FHIT: variants seen among roughly 807,000 people sequenced by gnomAD.
FHIT encodes the protein bis(5'-adenosyl)-triphosphatase.
FHIT carries 19 observed loss-of-function variants against 17.9 expected under a neutral mutation model. That is an observed-to-expected ratio of 1.06 (90% CI 0.74 to 1.56). FHIT has a LOEUF of 1.56. FHIT is among the 40% of genes most tolerant of loss of function. The probability of loss-of-function intolerance (pLI) is 0.00; values close to 1 mark genes in which losing one functional copy is unlikely to be tolerated. For synonymous variants in FHIT, 81 were observed against 69.7 expected, an observed-to-expected ratio of 1.16 and a Z score of -0.81; for missense variants, 248 against 189.2, an observed-to-expected ratio of 1.31 and a Z score of -1.82.
intron 3 of FHIT, among the ~76,000 whole-genome samples, chr3:60,888,855 A>T (rs1345470139): frequency 6.6e-6 from 1 of 152,210 alleles, no homozygotes; most frequent in Non-Finnish European, 1.5e-5. Flanking sequence ...TTTTGTATCC[A>T]TCACCCAGTT....
At chr3:60,752,455 AG>A (rs2108034417) in intron 4 of FHIT, among the ~76,000 whole-genome samples, 1 of 152,310 alleles carries the variant, frequency 6.6e-6, no homozygotes, top group South Asian at 2.1e-4. Flanking sequence ...GGAAACTGGA[AG>A]GCGACTGGGG....
At chr3:60,858,361 T>C (rs1304036811) in intron 3 of FHIT, among the ~76,000 whole-genome samples, 2 of 152,142 alleles carry the variant, frequency 1.3e-5, no homozygotes, top group African/African-American at 4.8e-5. Context: ...TTGTGTGCTA[T>C]AACATGGTCA....
intron 3 of FHIT, among the ~76,000 whole-genome samples, chr3:60,981,240 G>A (rs1710476623): frequency 6.6e-6 from 1 of 151,420 alleles, no homozygotes; most frequent in Non-Finnish European, 1.5e-5. Flanking sequence ...GTTTGCTAAG[G>A]TCCCAAGGCA....
intron 4 of FHIT, among the ~76,000 whole-genome samples, chr3:60,703,082 G>T (rs781882521): frequency 6.6e-6 from 1 of 152,168 alleles, no homozygotes; most frequent in Non-Finnish European, 1.5e-5. Flanking sequence ...AGGGATTAGA[G>T]CGGCCCCTAC....
intron 4 of FHIT, among the ~76,000 whole-genome samples, chr3:60,562,884 A>G (rs2594273): frequency 0.95 from 144,673 of 152,192 alleles, 68,834 homozygotes; most frequent in East Asian, 1. Flanking sequence ...AGGCATAGAC[A>G]AGGGCTGCTA....
intron 7 of FHIT, among the ~76,000 whole-genome samples, chr3:60,006,429 T>C (rs959158026): frequency 1.1e-4 from 16 of 152,218 alleles, no homozygotes; most frequent in African/African-American, 3.9e-4. Context: ...AGCCACAATC[T>C]ATTTTATAGA....
At chr3:60,301,943 G>C (rs1469827533) in intron 5 of FHIT, among the ~76,000 whole-genome samples, 2 of 151,924 alleles carry the variant, frequency 1.3e-5, no homozygotes, top group Non-Finnish European at 2.9e-5. Flanking sequence ...AACTGTAAGA[G>C]TAACCTTATA....
At chr3:60,430,920 C>T (rs908220535) in intron 5 of FHIT, among the ~76,000 whole-genome samples, 9 of 151,942 alleles carry the variant, frequency 5.9e-5, no homozygotes, top group African/African-American at 9.7e-5. Context: ...TTTTCTCAGT[C>T]CTGGTTTTGG....
chr3:61,048,930 T>C (rs1250909875), intron 2 of FHIT, among the ~76,000 whole-genome samples: 1 of 151,890 alleles, frequency 6.6e-6, no homozygotes, highest in African/African-American at 2.4e-5. Flanking sequence ...AACAATGTGA[T>C]CACTTGGACA....
chr3:60,511,555 T>C (rs181515288), intron 5 of FHIT, among the ~76,000 whole-genome samples: 2 of 152,194 alleles, frequency 1.3e-5, no homozygotes, highest in Admixed American at 6.5e-5. Context: ...AAAATAAACA[T>C]AAAATGAGAG....
In FHIT at chr3:60,244,890, ACTGT is replaced by A. The variant is rs775118935; in HGVS notation, c.104-230742_104-230739del. Among the ~76,000 whole-genome samples the A allele has an allele frequency of 5.0e-4, 76 of 152,270 alleles. 1 individual carries two copies. The highest frequency in any genetic ancestry group is 1.4e-3 in the South Asian group (7 of 4,828). ...TGACATCTCAAAAGAACAAATTATT[ACTGT>A]CTGTCAATGCATTTTTAGAAAAACT... On this transcript the variant is annotated intron_variant, in intron 5 of 9. Coordinates refer to ENST00000492590, the MANE Select transcript of FHIT (RefSeq NM_002012.4).
chr3:60,587,948 C>A (rs13079016), intron 4 of FHIT, among the ~76,000 whole-genome samples: 37,392 of 151,672 alleles, frequency 0.25, 5,127 homozygotes, highest in Non-Finnish European at 0.31. Context: ...TCATGCAATG[C>A]CCCTTCTCCT....
At chr3:59,902,349 T>C (rs1704367931) in intron 8 of FHIT, among the ~76,000 whole-genome samples, 1 of 151,962 alleles carries the variant, frequency 6.6e-6, no homozygotes. Flanking sequence ...TTGGTAGAAA[T>C]GTAAACTTGT....
At chr3:60,803,799 A>C (rs1701284966) in intron 4 of FHIT, among the ~76,000 whole-genome samples, 1 of 152,152 alleles carries the variant, frequency 6.6e-6, no homozygotes, top group African/African-American at 2.4e-5. Flanking sequence ...GATTTTTGGT[A>C]AGGACCCAGT....
Position 60,118,111 on chromosome 3 carries a change from T to C in FHIT, c.104-103959A>G, listed in dbSNP as rs779915108. On this transcript the variant is annotated intron_variant, in intron 5 of 9. Transcript: ENST00000492590. ...AGCAAGGTGTTATAATGTATTTTGA[T>C]ATCTTATTTTTTAGAGACAGGGTCT... Among the ~76,000 whole-genome samples, 30 of 152,272 alleles carry C rather than the reference T, an allele frequency of 2.0e-4. No individual in the cohort carries two copies. The Middle Eastern group carries it at 0.01, about 52-fold the overall frequency.
At chr3:60,852,885 TA>T (rs1392941239) in intron 3 of FHIT, among the ~76,000 whole-genome samples, 1 of 152,080 alleles carries the variant, frequency 6.6e-6, no homozygotes, top group African/African-American at 2.4e-5. Flanking sequence ...ATTTTTTCAG[TA>T]AAAATATTAA....
chr3:61,246,631 T>A (rs1323886854), intron 1 of FHIT, among the ~76,000 whole-genome samples: 1 of 150,418 alleles, frequency 6.6e-6, no homozygotes, highest in African/African-American at 2.5e-5. Context: ...CACTCATAAG[T>A]GGGAGTTGAA....
chr3:60,892,611 T>G (rs1485033273), intron 3 of FHIT, among the ~76,000 whole-genome samples: 1 of 152,188 alleles, frequency 6.6e-6, no homozygotes, highest in Non-Finnish European at 1.5e-5. Flanking sequence ...AAAGGCAAAT[T>G]ATGCATACTT....
At chr3:60,161,535 G>GA (rs1454732371) in intron 5 of FHIT, among the ~76,000 whole-genome samples, 10 of 152,152 alleles carry the variant, frequency 6.6e-5, no homozygotes, top group African/African-American at 2.4e-4. Flanking sequence ...TAGTCATCAA[G>GA]AAAGAAGACA....
Sources: allele counts gnomAD v4.1 joint callset (sites outside exome capture counted in the v4.1 genomes callset), GRCh38; gene constraint gnomAD v4.1.1; transcripts MANE v1.5; gene names NCBI Gene and HGNC (gene_info 2026-07-23, HGNC 2026-07-21).